Variants in SLC39A11 observed in about 807,000 individuals in gnomAD.
The protein encoded by SLC39A11 is solute carrier family 39 member 11.
In SLC39A11, 33 loss-of-function variants were observed where a neutral mutation model predicts 36.1. The ratio of observed to expected loss-of-function variants is 0.91; its 90% CI spans 0.69 to 1.22. The LOEUF (loss-of-function observed/expected upper bound fraction) is 1.22. Ranked by LOEUF, SLC39A11 falls within the 50% of genes most tolerant of loss-of-function variation. The pLI is 0.00. For synonymous variants in SLC39A11, 166 were observed against 170.3 expected (o/e 0.97, Z 0.20); for missense variants, 432 against 430.3 (o/e 1.00, Z -0.03).
rs1568105777 is a variant in SLC39A11, at chr17:73,004,214, A to AG, written c.306+27341dup. 2.0e-3 allele frequency among the ~76,000 whole-genome samples: 260 copies of AG among 129,970 alleles called. 14 individuals are homozygous for AG. The highest frequency in any genetic ancestry group is 6.1e-3 in the African/African-American group (218 of 35,724). The allele number at this position is 129,970 out of a possible 152,430, so 85.3% of individuals were successfully genotyped here. On this transcript the variant is annotated intron_variant, in intron 4 of 9. Coordinates refer to ENST00000255559, the MANE Select transcript of SLC39A11 (RefSeq NM_139177.4). ...AAGAAAGAAAGAAAGAAAGAAAGAAAGAAAGAAAGAAAGAAAGAAAAGAAA... is the reference window on the plus strand; with the variant it reads ...AAGAAAGAAAGAAAGAAAGAAAGAAAGGAAAGAAAGAAAGAAAGAAAAGAAA...
intron 4 of SLC39A11, among the ~76,000 whole-genome samples, chr17:72,953,588 A>G (rs1452006655): frequency 6.6e-6 from 1 of 152,200 alleles, no homozygotes; most frequent in Non-Finnish European, 1.5e-5. Flanking sequence ...CACCTGAGAA[A>G]CAGGCCAGAG....
intron 6 of SLC39A11, among the ~76,000 whole-genome samples, chr17:72,826,828 A>G (rs1245810224): frequency 6.6e-6 from 1 of 152,234 alleles, no homozygotes; most frequent in Non-Finnish European, 1.5e-5. Context: ...GGATGGCTAT[A>G]ATAAAAAAAA....
chr17:72,700,545 C>T (rs1283245928), intron 7 of SLC39A11, among the ~76,000 whole-genome samples: 1 of 152,182 alleles, frequency 6.6e-6, no homozygotes, highest in East Asian at 1.9e-4. Flanking sequence ...CACAGCCCTG[C>T]CCCCAGGGTC....
intron 5 of SLC39A11, among the ~76,000 whole-genome samples, chr17:72,927,783 C>A (rs1167214965): frequency 2.0e-5 from 3 of 151,850 alleles, no homozygotes. Context: ...CAAAAATAAT[C>A]AGTTCTATTG....
At chr17:73,073,323 T>C (rs2144571277) in intron 3 of SLC39A11, among the ~76,000 whole-genome samples, 1 of 152,288 alleles carries the variant, frequency 6.6e-6, no homozygotes, top group East Asian at 1.9e-4. Flanking sequence ...GGGTGCCCCA[T>C]AGCACCTGTG....
At chr17:72,898,899 C>A (rs2082169293) in intron 5 of SLC39A11, among the ~76,000 whole-genome samples, 1 of 152,176 alleles carries the variant, frequency 6.6e-6, no homozygotes, top group Non-Finnish European at 1.5e-5. Context: ...CAAGAGGAAG[C>A]AGATGCTCTT....
chr17:72,890,813 AGG>A (rs1185682997), intron 5 of SLC39A11, among the ~76,000 whole-genome samples: 1 of 152,108 alleles, frequency 6.6e-6, no homozygotes, highest in Non-Finnish European at 1.5e-5. Context: ...GATGAAATGT[AGG>A]GGGATAGAAA....
intron 6 of SLC39A11, among the ~76,000 whole-genome samples, chr17:72,807,092 TTCCAAGAGC>T (rs1324569584): frequency 6.6e-6 from 1 of 152,238 alleles, no homozygotes; most frequent in Non-Finnish European, 1.5e-5. Flanking sequence ...TGTTTTTGAT[TTCCAAGAGC>T]TCCTTCTTAA....
intron 4 of SLC39A11, among the ~76,000 whole-genome samples, chr17:72,993,480 T>A (rs2089311292): frequency 6.6e-6 from 1 of 152,226 alleles, no homozygotes; most frequent in South Asian, 2.1e-4. Context: ...CTGTCCTAAA[T>A]ATTGTTGAAG....
intron 6 of SLC39A11, among the ~76,000 whole-genome samples, chr17:72,764,309 C>G (rs915150131): frequency 1.3e-5 from 2 of 152,116 alleles, no homozygotes; most frequent in Non-Finnish European, 2.9e-5. Context: ...GATTTCAAAT[C>G]CTGGGCCTTC....
intron 5 of SLC39A11, among the ~76,000 whole-genome samples, chr17:72,865,419 A>G (rs1053173992): frequency 4.0e-5 from 6 of 151,724 alleles, no homozygotes; most frequent in Non-Finnish European, 8.8e-5. Flanking sequence ...TCGAAAAAAA[A>G]AAAAAAAACA....
intron 5 of SLC39A11, among the ~76,000 whole-genome samples, chr17:72,892,604 A>G (rs1488010497): frequency 6.6e-6 from 1 of 152,080 alleles, no homozygotes; most frequent in Non-Finnish European, 1.5e-5. Flanking sequence ...ATTTGGGGTT[A>G]TTTTTTGCCT....
chr17:73,056,354 A>G (rs1485925036), intron 3 of SLC39A11, among the ~76,000 whole-genome samples: 1 of 152,058 alleles, frequency 6.6e-6, no homozygotes, highest in Non-Finnish European at 1.5e-5. Context: ...TTTTTAGTGG[A>G]GACGGGGTTT....
At chr17:72,882,358 T>G (rs562563325) in intron 5 of SLC39A11, among the ~76,000 whole-genome samples, 1 of 91,082 alleles carries the variant, frequency 1.1e-5, no homozygotes, top group Non-Finnish European at 1.9e-5. Flanking sequence ...TATTCCTATA[T>G]CTAAAAAAAA....
At chr17:72,978,709 G>T (rs556098416) in intron 4 of SLC39A11, among the ~76,000 whole-genome samples, 2 of 152,160 alleles carry the variant, frequency 1.3e-5, no homozygotes. Flanking sequence ...CTGGGACAGA[G>T]ACAGTAATGC....
chr17:72,722,751 C>T (rs2073749058), intron 7 of SLC39A11, among the ~76,000 whole-genome samples: 1 of 152,138 alleles, frequency 6.6e-6, no homozygotes, highest in South Asian at 2.1e-4. Context: ...TCTCCTGCCT[C>T]AGCCTCCCGA....
At chr17:72,650,554 G>A (rs1381766781) in intron 7 of SLC39A11, among the ~76,000 whole-genome samples, 2 of 152,210 alleles carry the variant, frequency 1.3e-5, no homozygotes, top group African/African-American at 4.8e-5. Flanking sequence ...TTTTGCACGT[G>A]AGACTCTACC....
intron 6 of SLC39A11, among the ~76,000 whole-genome samples, chr17:72,783,004 C>CAA (rs34750819): frequency 0.53 from 43,115 of 80,890 alleles, 12,650 homozygotes; most frequent in Non-Finnish European, 0.65. Context: ...TCTGTCTCAA[C>CAA]AAAAAAAAAA....
At chr17:72,746,754 A>C (rs2144226142) in intron 6 of SLC39A11, among the ~76,000 whole-genome samples, 1 of 151,098 alleles carries the variant, frequency 6.6e-6, no homozygotes, top group South Asian at 2.1e-4. Context: ...AAATAAAATA[A>C]AATAAAAATT....
Sources: allele counts gnomAD v4.1 joint callset (sites outside exome capture counted in the v4.1 genomes callset), GRCh38; gene constraint gnomAD v4.1.1; transcripts MANE v1.5; gene names NCBI Gene and HGNC (gene_info 2026-07-23, HGNC 2026-07-21).